TUT1: variants seen among roughly 807,000 people sequenced by gnomAD.
TUT1 encodes the protein terminal uridylyl transferase 1, U6 snRNA-specific.
A neutral mutation model predicts 48.8 loss-of-function variants in TUT1; 26 were observed. That is an observed-to-expected ratio of 0.53 (90% CI 0.39 to 0.74). The LOEUF (loss-of-function observed/expected upper bound fraction) is 0.74, where lower values mean the gene tolerates loss of function less well. Among genes scored for constraint, TUT1 ranks in the 30% least tolerant of loss-of-function variants. The probability of loss-of-function intolerance (pLI) is 0.00; values close to 1 mark genes in which losing one functional copy is unlikely to be tolerated. For missense variants in TUT1, 1,065 were observed against 1,114.8 expected (o/e 0.96, Z 0.64); for synonymous variants, 470 against 460.8 (o/e 1.02, Z -0.26).
chr11:62,583,128 CAAAAA>C (rs777695327), intron 2 of TUT1, among the ~76,000 whole-genome samples: 1 of 58,542 alleles, frequency 1.7e-5, no homozygotes. Flanking sequence ...ACTCTGTCTC[CAAAAA>C]AAAAAAAAAA....
chr11:62,576,800 G>T (rs1186911929), intron 7 of TUT1, 51 bp from the exon 8 acceptor site: 5 of 1,602,834 alleles, frequency 3.1e-6, no homozygotes, highest in African/African-American at 1.3e-5. Context: ...GAGATTGAGG[G>T]TGGGGGTAGA....
intron 5 of TUT1, 41 bp from the exon 6 acceptor site, chr11:62,577,332 G>T (rs1442464120): frequency 1.3e-6 from 2 of 1,506,414 alleles, no homozygotes; most frequent in Admixed American, 3.9e-5. Context: ...GCTTGGGGAT[G>T]TCAGAACCTA....
rs757078620 is a variant in TUT1 at position 62,576,239 on chromosome 11, G to A, written c.1480C>T (p.Leu494=). 6 of 1,577,616 alleles carry A rather than the reference G, an allele frequency of 3.8e-6. No homozygotes were observed. Among genetic ancestry groups the A allele is most frequent in the Middle Eastern group, 1.7e-4 (1 of 5,914 alleles). ...PSINVEPLSS[L]LAQFFSCVSC... is the part of the protein sequence containing the mutation. ...ACACAGGAGAAGAACTGGGCTAGCAGGGAACCTGGAGGAGGAGGAAGAGTG... is the reference window on the plus strand; with the variant it reads ...ACACAGGAGAAGAACTGGGCTAGCAAGGAACCTGGAGGAGGAGGAAGAGTG... Residue 494 remains leucine, a synonymous_variant, in exon 9 of 9, where the codon CTG becomes TTG. Transcript: ENST00000476907.
At chr11:62,579,956 C>T (rs1454328572) in intron 4 of TUT1, among the ~76,000 whole-genome samples, 3 of 152,104 alleles carry the variant, frequency 2.0e-5, no homozygotes, top group Non-Finnish European at 2.9e-5. Flanking sequence ...CGTGAACCAC[C>T]GCGCCCGGCC....
chr11:62,589,306 ATCCT>A, intron 1 of TUT1, 85 bp from the exon 2 acceptor site: 2 of 1,327,138 alleles, frequency 1.5e-6, no homozygotes, highest in East Asian at 4.9e-5. Context: ...AATCTTACTG[ATCCT>A]TCCAAGCCAC....
chr11:62,580,891 C>T lies in TUT1; in HGVS notation c.690+215G>A, dbSNP rs181845319. Among the ~76,000 whole-genome samples, 30 of 152,096 alleles carry T rather than the reference C, an allele frequency of 2.0e-4. No individual in the cohort carries two copies. The East Asian group carries it at 3.5e-3, about 18-fold the overall frequency. The stretch of plus-strand genomic sequence containing the variant: ...TCCCAAAGTGCTGGGATTACAGGCG[C>T]GAGCCACTGCGCCTGGCCCTGTCAG... On this transcript the variant is annotated intron_variant, in intron 4 of 8. Transcript: ENST00000476907.
Position 62,575,349 on chromosome 11 carries a change from CTTGGT to C in TUT1, c.2365_2369del (p.Thr789GlyfsTer17), listed in dbSNP as rs1478250251. On this transcript the variant is annotated frameshift_variant, in exon 9 of 9. Coordinates refer to ENST00000476907, the MANE Select transcript of TUT1 (RefSeq NM_022830.3). LOFTEE classifies it low-confidence loss of function (END_TRUNC). ...TGCCAGCGCCACCTCCAGCTCCCTC[CTTGGT>C]TTGCTGCTGCAAGCGTCTACGGGCT... is the stretch of plus-strand genomic sequence containing the variant. The C allele has an allele frequency of 1.9e-6, 3 of 1,614,032 alleles. No individual in the cohort carries two copies. The highest frequency in any genetic ancestry group is 2.5e-6 in the Non-Finnish European group (3 of 1,180,016).
chr11:62,576,887 G>C lies in TUT1; in HGVS notation c.1381+20C>G, dbSNP rs1941738537. On this transcript the variant is annotated intron_variant, in intron 7 of 8. Transcript: ENST00000476907. ...AGAGGAAACTAACAAGATGGAGAGG[G>C]TGGAGGCTAGGCCGAGTACCTGCTT... 6.2e-7 allele frequency: 1 copy of C among 1,609,952 alleles called. No homozygotes were observed.
At chr11:62,584,890 C>T (rs538398135) in intron 2 of TUT1, among the ~76,000 whole-genome samples, 7 of 151,418 alleles carry the variant, frequency 4.6e-5, no homozygotes, top group Non-Finnish European at 8.8e-5. Flanking sequence ...GGCACGATCT[C>T]GGCTCACTCC....
Position 62,578,605 on chromosome 11 carries a change from A to G in TUT1, c.1116T>C (p.Cys372=). Residue 372 remains cysteine (C), a synonymous_variant, in exon 5 of 9, where the codon TGT becomes TGC. Transcript: ENST00000476907. The stretch of plus-strand genomic sequence containing the variant: ...CACCGTGGAGACCTGAAGGCCGATG[A>G]CAGAACTTGACCACAGGGCGCCGGG... ...PSARRPVVKF[C]HRPSGLHGDV... 1 of 1,613,562 alleles carries G rather than the reference A, an allele frequency of 6.2e-7. No homozygotes were observed. The highest frequency in any genetic ancestry group is 1.3e-5 in the African/African-American group (1 of 75,036).
In TUT1 at chr11:62,585,969, G is replaced by A. The variant is rs544162504; in HGVS notation, c.273+3062C>T. Among the ~76,000 whole-genome samples, 18 of 152,312 alleles carry A rather than the reference G, an allele frequency of 1.2e-4. No homozygotes were observed. The East Asian group carries it at 2.7e-3, about 23-fold the overall frequency. The stretch of plus-strand genomic sequence containing the variant: ...AATACAAAATTAGCCAGGCGCGGTG[G>A]CGCATGCCTGTAATCCCAGCTACTC... On this transcript the variant is annotated intron_variant, in intron 2 of 8. Transcript: ENST00000476907.
intron 2 of TUT1, chr11:62,582,742 C>A: frequency 3.8e-6 from 1 of 264,948 alleles, no homozygotes; most frequent in South Asian, 3.1e-5. Context: ...TATGACCCAC[C>A]CTATAACTTT....
In TUT1 at chr11:62,581,112, C is replaced by T. The variant is rs776749831; in HGVS notation, c.684G>A (p.Glu228=). 1.2e-6 allele frequency: 2 copies of T among 1,613,852 alleles called. No homozygotes were observed. The highest frequency in any genetic ancestry group is 1.7e-6 in the Non-Finnish European group (2 of 1,179,824). The change falls in exon 4 of 9, where the codon GAG becomes GAA. Residue 228 remains glutamate (E), a synonymous_variant. Transcript: ENST00000476907. ...DLFLDLGDLE[E]PQPVPKAPES... ...CCCTGGGACACTCACTCACCTGGGG[C>T]TCTTCCAAGTCACCCAGATCCAAGA...
At chr11:62,586,841 A>T (rs921957338) in intron 2 of TUT1, among the ~76,000 whole-genome samples, 8 of 148,330 alleles carry the variant, frequency 5.4e-5, no homozygotes, top group African/African-American at 2.0e-4. Context: ...GCTTGCTGGG[A>T]TTACAGGCGC....
chr11:62,575,331 G>T lies in TUT1; in HGVS notation c.2388C>A (p.Gly796=). 6.2e-7 allele frequency: 1 copy of T among 1,614,052 alleles called. No homozygotes were observed. The highest frequency in any genetic ancestry group is 8.5e-7 in the Non-Finnish European group (1 of 1,180,006). The change falls in exon 9 of 9, where the codon GGC becomes GGA. Residue 796 remains glycine, a synonymous_variant. Coordinates refer to ENST00000476907, the MANE Select transcript of TUT1 (RefSeq NM_022830.3). ...CCAGCCACCCTGCTCTTGTGCCAGC[G>T]CCACCTCCAGCTCCCTCCTTGGTTT... The part of the protein sequence containing the change: ...QQQTKEGAGG[G]AGTRAGWLAT...
Position 62,576,703 on chromosome 11 carries a change from G to T in TUT1, c.1428C>A (p.Pro476=). 1.9e-6 allele frequency: 3 copies of T among 1,614,134 alleles called. No individual in the cohort carries two copies. The highest frequency in any genetic ancestry group is 2.5e-6 in the Non-Finnish European group (3 of 1,180,032). ...VEVDGWDCSF[P]RDASRLEPSI... ...TGGGCTCCAGTCTTGAGGCATCCCT[G>T]GGGAAACTGCAGTCCCAGCCATCGA... Residue 476 remains proline (P), a synonymous_variant, in exon 8 of 9, where the codon CCC becomes CCA. Coordinates refer to ENST00000476907, the MANE Select transcript of TUT1 (RefSeq NM_022830.3).
rs774242543 is a variant in TUT1 at position 62,577,182 on chromosome 11, C to T, written c.1270G>A (p.Gly424Arg). ...CAAGTCTGTCCTGATCCATTCTCAC[C>T]TGACAGCCCCCGACCCTGAGCCCAG... ...RCWAQGRGLS[G>R]SGPLLSNYAL... is the part of the protein sequence containing the mutation. The change falls in exon 6 of 9, where the codon GGG becomes AGG. Residue 424 changes from glycine (G) to arginine (R), a missense_variant and splice_region_variant. Physicochemically the swap from Gly to Arg is moderately radical, Grantham distance 125 (BLOSUM62 -2). Transcript: ENST00000476907. The T allele has an allele frequency of 2.5e-6, 4 of 1,608,234 alleles. No homozygotes were observed. The highest frequency in any genetic ancestry group is 2.7e-5 in the African/African-American group (2 of 74,456).
chr11:62,579,693 C>T (rs1174517244), intron 4 of TUT1, among the ~76,000 whole-genome samples: 1 of 134,028 alleles, frequency 7.5e-6, no homozygotes, highest in Non-Finnish European at 1.5e-5. Flanking sequence ...GAGATGGAGT[C>T]TCAATCTGTC....
chr11:62,580,987 G>T (rs1941815139), intron 4 of TUT1, 119 bp downstream of exon 4: 2 of 736,302 alleles, frequency 2.7e-6, no homozygotes, highest in Non-Finnish European at 2.4e-6. Flanking sequence ...TTTCAGGTAG[G>T]TCCTATTATC....
Sources: allele counts gnomAD v4.1 joint callset (sites outside exome capture counted in the v4.1 genomes callset), GRCh38; gene constraint gnomAD v4.1.1; transcripts MANE v1.5; gene names NCBI Gene and HGNC (gene_info 2026-07-23, HGNC 2026-07-21).